CDYL: variants seen among roughly 807,000 people sequenced by gnomAD.
The protein encoded by CDYL is chromodomain Y like.
A neutral mutation model predicts 47.3 loss-of-function variants in CDYL; 8 were observed. That is an observed-to-expected ratio of 0.17 (90% CI 0.10 to 0.31). CDYL has a LOEUF of 0.31. Among genes scored for constraint, CDYL ranks in the 10% least tolerant of loss-of-function variants. CDYL has a pLI of 1.00. For synonymous variants in CDYL, 266 were observed against 265.0 expected, an observed-to-expected ratio of 1.00 and a Z score of -0.04; for missense variants, 471 against 701.4, an observed-to-expected ratio of 0.67 and a Z score of 3.71.
chr6:4,895,063 G>T (rs1378462481), intron 2 of CDYL, among the ~76,000 whole-genome samples: 1 of 113,508 alleles, frequency 8.8e-6, no homozygotes, highest in African/African-American at 2.7e-5. Flanking sequence ...GTACATATGG[G>T]TATATATGTA....
At chr6:4,888,163 C>T (rs1561687931) in intron 1 of CDYL, among the ~76,000 whole-genome samples, 1 of 151,884 alleles carries the variant, frequency 6.6e-6, no homozygotes, top group Non-Finnish European at 1.5e-5. Flanking sequence ...CTTGTGATGT[C>T]TTTTGTTTTG....
In CDYL at chr6:4,890,008, G is replaced by T. The variant is rs1581238369; in HGVS notation, c.25-1705G>T. 3 of 985,322 alleles carry T rather than the reference G, an allele frequency of 3.0e-6. No homozygotes were observed. The South Asian group carries it at 1.4e-4, about 46-fold the overall frequency. 61.0% of individuals were successfully genotyped at this position (985,322 alleles called of 1,614,324 possible). On this transcript the variant is annotated intron_variant, in intron 1 of 6. Coordinates refer to ENST00000397588, the MANE Select transcript of CDYL (RefSeq NM_004824.4). ...GTGGTACATGGTTAAGGAGGGAGGGGAAACAAAAGCAGTGTGCTCCACCAG... is the reference window on the plus strand; with the variant it reads ...GTGGTACATGGTTAAGGAGGGAGGGTAAACAAAAGCAGTGTGCTCCACCAG...
chr6:4,783,175 T>C (rs1758661478), intron 1 of CDYL, among the ~76,000 whole-genome samples: 1 of 143,432 alleles, frequency 7.0e-6, no homozygotes, highest in Non-Finnish European at 1.5e-5. Flanking sequence ...AACTTCCTTC[T>C]GGGATTTTTT....
intron 5 of CDYL, among the ~76,000 whole-genome samples, chr6:4,945,691 A>G (rs1758491636): frequency 6.6e-6 from 1 of 152,220 alleles, no homozygotes; most frequent in African/African-American, 2.4e-5. Context: ...CAAATCAGAA[A>G]ACGCTGCTGC....
chr6:4,725,504 CCGG>C (rs1161715342), intron 2 of CDYL, among the ~76,000 whole-genome samples: 10 of 152,352 alleles, frequency 6.6e-5, no homozygotes, highest in Non-Finnish European at 1.3e-4. Flanking sequence ...CAGCTAAGGC[CCGG>C]CGAGAAGTCG....
chr6:4,949,106 G>A (rs373848816), intron 5 of CDYL, among the ~76,000 whole-genome samples: 13 of 152,250 alleles, frequency 8.5e-5, no homozygotes, highest in East Asian at 3.8e-4. Flanking sequence ...CAGGCCCTCC[G>A]CTGTAGGCGA....
intron 1 of CDYL, among the ~76,000 whole-genome samples, chr6:4,856,476 G>T (rs1761009893): frequency 6.6e-6 from 1 of 152,206 alleles, no homozygotes; most frequent in Non-Finnish European, 1.5e-5. Context: ...GGGGCCAGAA[G>T]GGCAGTCCAC....
At chr6:4,946,298 A>G (rs1388593877) in intron 5 of CDYL, among the ~76,000 whole-genome samples, 1 of 152,200 alleles carries the variant, frequency 6.6e-6, no homozygotes, top group Non-Finnish European at 1.5e-5. Flanking sequence ...GCCTCTGTCC[A>G]GGACACCCAC....
chr6:4,835,784 C>T (rs189070730), intron 1 of CDYL, among the ~76,000 whole-genome samples: 19 of 152,310 alleles, frequency 1.2e-4, no homozygotes, highest in African/African-American at 2.9e-4. Flanking sequence ...GGGCACTGGC[C>T]GGCGTCCCTC....
At chr6:4,784,174 C>T (rs114188813) in intron 1 of CDYL, among the ~76,000 whole-genome samples, 1,642 of 152,156 alleles carry the variant, frequency 0.011, 23 homozygotes, top group African/African-American at 0.037. Context: ...TTTTTTACTT[C>T]GAAATATTCT....
intron 1 of CDYL, among the ~76,000 whole-genome samples, chr6:4,888,626 A>C (rs149577936): frequency 0.01 from 1,550 of 152,152 alleles, 25 homozygotes; most frequent in African/African-American, 0.036. Context: ...TCAGTTTATT[A>C]AGTTCTAAAT....
chr6:4,889,344 C>T (rs1310240434), intron 1 of CDYL, among the ~76,000 whole-genome samples: 1 of 152,070 alleles, frequency 6.6e-6, no homozygotes, highest in Non-Finnish European at 1.5e-5. Flanking sequence ...CTGCTTCAGC[C>T]TCCTGAGTAG....
intron 1 of CDYL, among the ~76,000 whole-genome samples, chr6:4,783,262 T>TA (rs940964812): frequency 4.0e-5 from 6 of 150,800 alleles, no homozygotes; most frequent in African/African-American, 7.4e-5. Context: ...TTTTTTTTTT[T>TA]AATTATTATT....
chr6:4,953,601 G>A (rs549008247), intron 6 of CDYL, among the ~76,000 whole-genome samples: 5 of 152,302 alleles, frequency 3.3e-5, no homozygotes, highest in South Asian at 2.1e-4. Flanking sequence ...CGTCCAGTTC[G>A]GGGGTCCACG....
intron 1 of CDYL, among the ~76,000 whole-genome samples, chr6:4,708,251 CCTCCAGGGTTCAAGCAATT>C (rs1172264294): frequency 3.3e-5 from 5 of 152,208 alleles, no homozygotes; most frequent in African/African-American, 1.2e-4. Flanking sequence ...GCAACCTCCA[CCTCCAGGGTTCAAGCAATT>C]CTCATGCCTC....
In CDYL at chr6:4,955,092, CT is replaced by C. The variant is rs1238401204; in HGVS notation, c.*1038del. 6.6e-6 allele frequency: 1 copy of C among 152,518 alleles called. No individual in the cohort carries two copies. The highest frequency in any genetic ancestry group is 1.5e-5 in the Non-Finnish European group (1 of 67,996). 9.4% of individuals were successfully genotyped at this position (152,518 alleles called of 1,614,324 possible). Reference sequence around the variant, plus strand: ...TCCTTTCAAAACAAAAAAGAACTACCTTATATTCAACATTTAATGTTCTTGG... The same window carrying C: ...TCCTTTCAAAACAAAAAAGAACTACCTATATTCAACATTTAATGTTCTTGG... On this transcript the variant is annotated 3_prime_UTR_variant, in exon 7 of 7. Coordinates refer to ENST00000397588, the MANE Select transcript of CDYL (RefSeq NM_004824.4).
intron 2 of CDYL, among the ~76,000 whole-genome samples, chr6:4,919,155 T>A (rs2127507365): frequency 6.6e-6 from 1 of 152,264 alleles, no homozygotes; most frequent in Admixed American, 6.5e-5. Context: ...TGTCAGTCAT[T>A]CAGCAAAATG....
intron 3 of CDYL, chr6:4,734,903 T>C (rs1248679280): frequency 2.5e-6 from 4 of 1,605,034 alleles, no homozygotes; most frequent in South Asian, 1.1e-5. Context: ...GAAGAGCCCA[T>C]AGGGGAATCG....
intron 2 of CDYL, among the ~76,000 whole-genome samples, chr6:4,926,635 G>C (rs1049943548): frequency 2.0e-5 from 3 of 152,148 alleles, no homozygotes; most frequent in African/African-American, 7.2e-5. Context: ...GTTTCAAGTG[G>C]TTTCTTGATT....
Sources: allele counts gnomAD v4.1 joint callset (sites outside exome capture counted in the v4.1 genomes callset), GRCh38; gene constraint gnomAD v4.1.1; transcripts MANE v1.5; gene names NCBI Gene and HGNC (gene_info 2026-07-23, HGNC 2026-07-21).